Variants in CALR3 observed in about 807,000 individuals in gnomAD.
CALR3 encodes calreticulin 3.
A neutral mutation model predicts 48.7 loss-of-function variants in CALR3; 39 were observed. The observed-to-expected ratio is 0.80, with a 90% confidence interval of 0.62 to 1.05. The LOEUF is 1.05. Among genes scored for constraint, CALR3 ranks in the 50% least tolerant of loss-of-function variants. CALR3 has a pLI of 0.00. For synonymous variants in CALR3, 185 were observed against 172.7 expected, an observed-to-expected ratio of 1.07 and a Z score of -0.56; for missense variants, 449 against 474.7, an observed-to-expected ratio of 0.95 and a Z score of 0.50.
intron 2 of CALR3, among the ~76,000 whole-genome samples, chr19:16,493,991 AAAGT>A (rs1599722594): frequency 6.6e-6 from 1 of 152,138 alleles, no homozygotes; most frequent in African/African-American, 2.4e-5. Flanking sequence ...TGCCTGTACA[AAAGT>A]AAAAGCTCAT....
At chr19:16,495,401 G>A (rs182519072) in intron 2 of CALR3, among the ~76,000 whole-genome samples, 2 of 150,238 alleles carry the variant, frequency 1.3e-5, no homozygotes, top group African/African-American at 4.9e-5. Context: ...TCTACTAAAA[G>A]TACAAAAATT....
chr19:16,490,311 A>C lies in CALR3; in HGVS notation c.397+56T>G, dbSNP rs928768014. Reference sequence around the variant, plus strand: ...AAGTCTTAGTCTAAAGATCCTGTGAAGTGGGAGGGTTTTCAAAGTCACTAG... The same window carrying C: ...AAGTCTTAGTCTAAAGATCCTGTGACGTGGGAGGGTTTTCAAAGTCACTAG... On this transcript the variant is annotated intron_variant, in intron 3 of 8. Coordinates refer to ENST00000269881, the MANE Select transcript of CALR3 (RefSeq NM_145046.5). 4 of 1,476,738 alleles carry C rather than the reference A, an allele frequency of 2.7e-6. No individual in the cohort carries two copies. The African/African-American group carries it at 4.1e-5, about 15-fold the overall frequency. The allele number at this position is 1,476,738 out of a possible 1,614,324, so 91.5% of individuals were successfully genotyped here.
intron 7 of CALR3, 84 bp downstream of exon 7, chr19:16,482,366 G>T: frequency 1.3e-6 from 2 of 1,560,608 alleles, no homozygotes; most frequent in East Asian, 2.3e-5. Context: ...GTGACAGAAT[G>T]AGACCCTGTC....
chr19:16,495,766 T>G lies in CALR3; in HGVS notation c.178A>C (p.Lys60Gln), dbSNP rs1255087190. The G allele has an allele frequency of 1.2e-6, 2 of 1,613,478 alleles. No homozygotes were observed. Among genetic ancestry groups the G allele is most frequent in the African/African-American group, 2.7e-5 (2 of 74,914 alleles). ...RLSSGKFYGH[K>Q]EKDKGLQTTQ... is the part of the protein sequence containing the mutation. ...CTACACTAACCTTTATCTTTCTCTTTATGACCATAAAACTTGCCCGACGAA... is the reference window on the plus strand; with the variant it reads ...CTACACTAACCTTTATCTTTCTCTTGATGACCATAAAACTTGCCCGACGAA... The change falls in exon 2 of 9, where the codon AAA becomes CAA. Residue 60 changes from lysine (K) to glutamine (Q), a missense_variant. Transcript: ENST00000269881.
chr19:16,490,599 C>G (rs2093396391), intron 2 of CALR3, 29 bp from the exon 3 acceptor site: 1 of 1,592,574 alleles, frequency 6.3e-7, no homozygotes, highest in Non-Finnish European at 8.6e-7. Context: ...CATGAAGGAT[C>G]AGGAATGACG....
chr19:16,489,238 A>C (rs2093394142), intron 3 of CALR3, among the ~76,000 whole-genome samples: 1 of 152,134 alleles, frequency 6.6e-6, no homozygotes, highest in African/African-American at 2.4e-5. Context: ...TAATCCCAGC[A>C]CTTTGGAAGG....
chr19:16,495,866 G>C lies in CALR3; in HGVS notation c.92-14C>G. 1.2e-6 allele frequency: 2 copies of C among 1,609,756 alleles called. No homozygotes were observed. The highest frequency in any genetic ancestry group is 2.7e-5 in the African/African-American group (2 of 74,930). On this transcript the variant is annotated splice_polypyrimidine_tract_variant and intron_variant, in intron 1 of 8. Transcript: ENST00000269881. The stretch of plus-strand genomic sequence containing the variant: ...TTCTCCAATGCTCTGTGGGGAAGGG[G>C]AAATAACACCGGTTAGAGGTGATAA...
chr19:16,480,556 A>C (rs2093379043), intron 8 of CALR3, 58 bp downstream of exon 8: 4 of 1,337,850 alleles, frequency 3.0e-6, no homozygotes, highest in Non-Finnish European at 4.3e-6. Flanking sequence ...CATCTAAAAA[A>C]AAAAAATTTA....
chr19:16,490,554 C>T lies in CALR3; in HGVS notation c.210G>A (p.Gln70=). ...CAGAGATGGCATAGAATCGGCCATT[C>T]TGAGTGGTTTGCAGACCTTTGAACA... The part of the protein sequence containing the change: ...KEKDKGLQTT[Q]NGRFYAISAR... Residue 70 remains glutamine (Q), a synonymous_variant, in exon 3 of 9, where the codon CAG becomes CAA. Transcript: ENST00000269881. 6.2e-7 allele frequency: 1 copy of T among 1,614,080 alleles called. No homozygotes were observed. The highest frequency in any genetic ancestry group is 8.5e-7 in the Non-Finnish European group (1 of 1,180,012).
At chr19:16,495,533 T>G (rs1213010726) in intron 2 of CALR3, among the ~76,000 whole-genome samples, 1 of 122,768 alleles carries the variant, frequency 8.1e-6, no homozygotes, top group East Asian at 2.4e-4. Flanking sequence ...CACTCCAGCC[T>G]GGGCAACAGA....
At chr19:16,495,952 C>T in intron 1 of CALR3, 87 bp downstream of exon 1, 2 of 1,557,430 alleles carry the variant, frequency 1.3e-6, no homozygotes, top group Middle Eastern at 1.7e-4. Context: ...GGTTCGCTGC[C>T]GTGGACCCCG....
rs2122142819 is a variant in CALR3, at chr19:16,490,488, A to G, written c.276T>C (p.Val92=). The change falls in exon 3 of 9, where the codon GTT becomes GTC. Residue 92 remains valine (V), a synonymous_variant. Coordinates refer to ENST00000269881, the MANE Select transcript of CALR3 (RefSeq NM_145046.5). ...KPFSNKGKTL[V]IQYTVKHEQK... is the part of the protein sequence containing the mutation. Reference sequence around the variant, plus strand: ...GCTCATGTTTTACTGTGTACTGAATAACCAGAGTTTTCCCTTTATTGCTGA... The same window carrying G: ...GCTCATGTTTTACTGTGTACTGAATGACCAGAGTTTTCCCTTTATTGCTGA... 6.2e-7 allele frequency: 1 copy of G among 1,614,160 alleles called. No homozygotes were observed. Among genetic ancestry groups the G allele is most frequent in the Non-Finnish European group, 8.5e-7 (1 of 1,180,046 alleles).
chr19:16,490,573 T>G lies in CALR3; in HGVS notation c.194-3A>C. On this transcript the variant is annotated splice_polypyrimidine_tract_variant and splice_region_variant and intron_variant, in intron 2 of 8. Transcript: ENST00000269881. ...GCCATTCTGAGTGGTTTGCAGACCT[T>G]TGAACAAAATATACTCATGAAGGAT... 2 of 1,613,458 alleles carry G rather than the reference T, an allele frequency of 1.2e-6. No homozygotes were observed. The highest frequency in any genetic ancestry group is 8.5e-7 in the Non-Finnish European group (1 of 1,179,454).
chr19:16,490,600 A>T lies in CALR3; in HGVS notation c.194-30T>A, dbSNP rs79268770. On this transcript the variant is annotated intron_variant, in intron 2 of 8. Transcript: ENST00000269881. ...GAACAAAATATACTCATGAAGGATC[A>T]GGAATGACGCTGCGCTAAGTAACGC... is the stretch of plus-strand genomic sequence containing the variant. 0.054 allele frequency: 85,525 copies of T among 1,590,380 alleles called. 2,642 individuals carry two copies. The highest frequency in any genetic ancestry group is 0.069 in the South Asian group (6,241 of 90,562).
Position 16,496,070 on chromosome 19 carries a change from G to A in CALR3, c.60C>T (p.Thr20=), listed in dbSNP as rs370721650. The A allele has an allele frequency of 1.2e-6, 2 of 1,604,800 alleles. No homozygotes were observed. Among genetic ancestry groups the A allele is most frequent in the African/African-American group, 1.3e-5 (1 of 74,748 alleles). Residue 20 remains threonine, a synonymous_variant, in exon 1 of 9, where the codon ACC becomes ACT. Transcript: ENST00000269881. ...CTAGAAATTCCTCTTGGAAATAGAC[G>A]GTAGCCAGCGCCACTCGCAGCATGC... ...AICMLRVALA[T]VYFQEEFLDG...
intron 2 of CALR3, among the ~76,000 whole-genome samples, chr19:16,493,061 T>C (rs1281509445): frequency 6.6e-6 from 1 of 152,022 alleles, no homozygotes. Context: ...ATAAAAACCT[T>C]GAGCAAGTTG....
At position 16,480,517 on chromosome 19, in the gene CALR3, A is replaced by C. The variant is rs549065384; in HGVS notation, c.1011+97T>G. On this transcript the variant is annotated intron_variant, in intron 8 of 8. Coordinates refer to ENST00000269881, the MANE Select transcript of CALR3 (RefSeq NM_145046.5). ...CAGTGAGCCGAGACTATGCCACTAC[A>C]TTACAGCCTGGGTGACAGAGCTAGA... 7.7e-4 allele frequency: 623 copies of C among 813,346 alleles called. 6 individuals are homozygous for C. Among genetic ancestry groups the C allele is most frequent in the South Asian group, 2.4e-3 (171 of 70,774 alleles). The allele number at this position is 813,346 out of a possible 1,614,324, so 50.4% of individuals were successfully genotyped here.
chr19:16,494,753 T>C (rs1257232411), intron 2 of CALR3, among the ~76,000 whole-genome samples: 1 of 152,208 alleles, frequency 6.6e-6, no homozygotes, highest in Admixed American at 6.6e-5. Flanking sequence ...TCAAATGCAC[T>C]TGACTAGTGT....
At chr19:16,479,651 C>G (rs954169431) in intron 8 of CALR3, among the ~76,000 whole-genome samples, 4 of 150,926 alleles carry the variant, frequency 2.7e-5, no homozygotes, top group Non-Finnish European at 2.9e-5. Flanking sequence ...CCCAGCTGCT[C>G]GGGAGGCTGA....
Sources: allele counts gnomAD v4.1 joint callset (sites outside exome capture counted in the v4.1 genomes callset), GRCh38; gene constraint gnomAD v4.1.1; transcripts MANE v1.5; gene names NCBI Gene and HGNC (gene_info 2026-07-23, HGNC 2026-07-21).